SKP2: variants seen among roughly 807,000 people sequenced by gnomAD.
The protein encoded by SKP2 is S-phase kinase associated protein 2, also known as S-phase kinase-associated protein 2.
A neutral mutation model predicts 51.8 loss-of-function variants in SKP2; 16 were observed. That is an observed-to-expected ratio of 0.31 (90% CI 0.21 to 0.47). SKP2 has a LOEUF of 0.47. Ranked by LOEUF, SKP2 falls within the 20% of genes least tolerant of loss-of-function variation. The pLI is 1.00. For missense variants in SKP2, 377 were observed against 505.3 expected (o/e 0.75, Z 2.43); for synonymous variants, 176 against 198.6 (o/e 0.89, Z 0.96).
chr5:36,159,573 A>G (rs1016868196), intron 2 of SKP2, among the ~76,000 whole-genome samples: 1 of 152,288 alleles, frequency 6.6e-6, no homozygotes, highest in Non-Finnish European at 1.5e-5. Flanking sequence ...GGAGTCCCCA[A>G]ATAGTGACCA....
chr5:36,191,983 C>T (rs952239608), intron 6 of SKP2, among the ~76,000 whole-genome samples: 11 of 152,276 alleles, frequency 7.2e-5, no homozygotes, highest in Middle Eastern at 3.4e-3. Flanking sequence ...GGTATTTTTA[C>T]ATTTCTCTAA....
chr5:36,181,021 C>T (rs956232526), intron 9 of SKP2, among the ~76,000 whole-genome samples: 10 of 152,072 alleles, frequency 6.6e-5, no homozygotes, highest in Non-Finnish European at 1.3e-4. Context: ...ACAGTATTTA[C>T]TTTGGAAAAA....
At chr5:36,167,972 A>G (rs1579562551) in intron 4 of SKP2, among the ~76,000 whole-genome samples, 1 of 151,824 alleles carries the variant, frequency 6.6e-6, no homozygotes, top group South Asian at 2.1e-4. Context: ...ATTGCTGCTC[A>G]CCCACTCACC....
intron 2 of SKP2, among the ~76,000 whole-genome samples, 196 bp downstream of exon 2, chr5:36,153,238 ATATATG>A (rs1473453621): frequency 5.1e-5 from 5 of 98,628 alleles, no homozygotes; most frequent in African/African-American, 1.7e-4. Context: ...ATATATATAT[ATATATG>A]TATGTTCTGG....
intron 6 of SKP2, among the ~76,000 whole-genome samples, chr5:36,190,790 C>G (rs1474341066): frequency 6.6e-6 from 1 of 151,922 alleles, no homozygotes; most frequent in Admixed American, 6.6e-5. Flanking sequence ...AACCATTCCC[C>G]TCCAATACAG....
At chr5:36,160,879 G>A (rs1331825301) in intron 2 of SKP2, among the ~76,000 whole-genome samples, 1 of 152,152 alleles carries the variant, frequency 6.6e-6, no homozygotes, top group Non-Finnish European at 1.5e-5. Flanking sequence ...CAGCAGGGGT[G>A]ATCTGCCTTC....
chr5:36,171,809 T>A, intron 7 of SKP2, 76 bp downstream of exon 7: 1 of 1,423,394 alleles, frequency 7.0e-7, no homozygotes, highest in Non-Finnish European at 9.8e-7. Flanking sequence ...CTCCTAATCA[T>A]TCCTCCACAT....
chr5:36,165,364 A>T (rs1017625097), intron 3 of SKP2, among the ~76,000 whole-genome samples: 3 of 152,192 alleles, frequency 2.0e-5, no homozygotes. Flanking sequence ...TGAGGTGTTC[A>T]TCTTCCTAAA....
Position 36,153,086 on chromosome 5 carries a change from T to C in SKP2, c.280+44T>C, listed in dbSNP as rs561472690. On this transcript the variant is annotated intron_variant, in intron 2 of 9. Coordinates refer to ENST00000274255, the MANE Select transcript of SKP2 (RefSeq NM_005983.4). ...AAATGTCAGTTATGCAAAGGGTGGA[T>C]TTAGCTATGTTGTTGGGAAACCTTT... is the stretch of plus-strand genomic sequence containing the variant. The C allele has an allele frequency of 2.2e-5, 34 of 1,576,124 alleles. No individual in the cohort carries two copies. In the South Asian group the frequency reaches 3.8e-4, roughly 18 times the overall value.
rs146124851 is a variant in SKP2 at position 36,180,119 on chromosome 5, T to C, written c.1062-1699T>C. 6.3e-5 allele frequency: 30 copies of C among 476,348 alleles called. No homozygotes were observed. In the East Asian group the frequency reaches 1.6e-3, roughly 26 times the overall value. 29.5% of individuals were successfully genotyped at this position (476,348 alleles called of 1,614,324 possible). A position where few individuals can be genotyped will look rare whatever the true frequency, so the allele number is the denominator to read the frequency against. On this transcript the variant is annotated intron_variant, in intron 9 of 9. Transcript: ENST00000274255. ...ACATGTCCTCCTCTGCCATCTGCCA[T>C]TCCTCCTTTTCTTACTCCACCTACA...
In SKP2 at chr5:36,152,258, A is replaced by C; in HGVS notation, c.-5A>C. On this transcript the variant is annotated 5_prime_UTR_variant, in exon 1 of 10. Transcript: ENST00000274255. Reference sequence around the variant, plus strand: ...GTATTTTAAACTCCCGGGCCTGCGGACGCTATGCACAGGTAAACGGATTGC... The same window carrying C: ...GTATTTTAAACTCCCGGGCCTGCGGCCGCTATGCACAGGTAAACGGATTGC... 1 of 1,614,020 alleles carries C rather than the reference A, an allele frequency of 6.2e-7. No individual in the cohort carries two copies. The highest frequency in any genetic ancestry group is 1.1e-5 in the South Asian group (1 of 91,088).
At chr5:36,187,927 G>T (rs1314054583), downstream of SKP2, among the ~76,000 whole-genome samples, 1 of 152,080 alleles carries the variant, frequency 6.6e-6, no homozygotes, top group Non-Finnish European at 1.5e-5. Flanking sequence ...TCCTGTATTG[G>T]GTGCATATAT....
At chr5:36,181,474 A>G (rs1297006998) in intron 9 of SKP2, among the ~76,000 whole-genome samples, 1 of 152,178 alleles carries the variant, frequency 6.6e-6, no homozygotes. Flanking sequence ...CTCACTTGCT[A>G]GTTTCTTCTC....
rs940848671 is a variant in SKP2 at position 36,166,717 on chromosome 5, G to A, written c.536+55G>A. On this transcript the variant is annotated intron_variant, in intron 4 of 9. Coordinates refer to ENST00000274255, the MANE Select transcript of SKP2 (RefSeq NM_005983.4). ...ATTTCTAAATTTCGAGGTAGAAACA[G>A]ATCAAAGCTTTTTTTTTTTTTTTCT... is the stretch of plus-strand genomic sequence containing the variant. The A allele has an allele frequency of 3.1e-5, 37 of 1,207,842 alleles. No individual in the cohort carries two copies. The Middle Eastern group carries it at 6.2e-4, about 20-fold the overall frequency. The allele number at this position is 1,207,842 out of a possible 1,614,324, so 74.8% of individuals were successfully genotyped here.
chr5:36,154,278 A>G (rs879417336), intron 2 of SKP2, among the ~76,000 whole-genome samples: 2 of 152,062 alleles, frequency 1.3e-5, no homozygotes, highest in Non-Finnish European at 2.9e-5. Context: ...CCATGCAAAT[A>G]TCTTGGAGAA....
chr5:36,163,102 G>A (rs978656330), intron 2 of SKP2, among the ~76,000 whole-genome samples: 1 of 152,176 alleles, frequency 6.6e-6, no homozygotes, highest in Non-Finnish European at 1.5e-5. Context: ...TGAGATTTGG[G>A]TGGGGACACA....
In SKP2 at chr5:36,170,417, C is replaced by A; in HGVS notation, c.745C>A (p.Gln249Lys). The change falls in exon 6 of 10, where the codon CAG becomes AAG. Residue 249 changes from glutamine (Q) to lysine (K), a missense_variant. This residue lies in a region of SKP2 where 262 missense variants were observed against 389.8 expected (regional missense o/e 0.67). Transcript: ENST00000274255. ...TTCTGGATTCTCTGAATTTGCCCTG[C>A]AGACTTTGCTAAGCAGCTGTTCCAG... is the stretch of plus-strand genomic sequence containing the variant. ...GCSGFSEFALQTLLSSCSRLD... is the reference protein window; with the variant it reads ...GCSGFSEFALKTLLSSCSRLD... The A allele has an allele frequency of 6.2e-7, 1 of 1,611,516 alleles. No homozygotes were observed. The highest frequency in any genetic ancestry group is 1.1e-5 in the South Asian group (1 of 90,806).
At chr5:36,174,214 G>A (rs973776091) in intron 7 of SKP2, among the ~76,000 whole-genome samples, 2 of 152,096 alleles carry the variant, frequency 1.3e-5, no homozygotes, top group Non-Finnish European at 2.9e-5. Flanking sequence ...GAAGTAACGG[G>A]TTGGATTAAC....
chr5:36,168,590 T>G (rs904759263), intron 5 of SKP2, 143 bp downstream of exon 5: 4 of 720,666 alleles, frequency 5.6e-6, no homozygotes, highest in Non-Finnish European at 9.2e-6. Flanking sequence ...TCTGCAAAAC[T>G]TTTCAGGACT....
Sources: allele counts gnomAD v4.1 joint callset (sites outside exome capture counted in the v4.1 genomes callset), GRCh38; gene constraint gnomAD v4.1.1; regional missense constraint gnomAD v4.1.1; transcripts MANE v1.5; gene names NCBI Gene and HGNC (gene_info 2026-07-23, HGNC 2026-07-21).